Variants in SYT13 observed in about 807,000 individuals in gnomAD.
SYT13 encodes the protein synaptotagmin 13.
Under a neutral mutation model 38.6 loss-of-function variants are expected in SYT13, and 21 were observed. The ratio of observed to expected loss-of-function variants is 0.54; its 90% confidence interval spans 0.39 to 0.78. SYT13 has a LOEUF of 0.78. Ranked by LOEUF, SYT13 falls within the 30% of genes least tolerant of loss-of-function variation. The pLI, the probability that SYT13 is intolerant of heterozygous loss-of-function variation, is 0.00. For missense variants in SYT13, 495 were observed against 548.7 expected (o/e 0.90, Z 0.98); for synonymous variants, 241 against 237.6 (o/e 1.01, Z -0.13).
At chr11:45,260,049 C>CA (rs1854796811) in intron 1 of SYT13, among the ~76,000 whole-genome samples, 1 of 152,188 alleles carries the variant, frequency 6.6e-6, no homozygotes, top group South Asian at 2.1e-4. Context: ...TGATGCATTG[C>CA]CTTTTTCAAG....
chr11:45,273,649 G>A lies in SYT13; in HGVS notation c.183+12376C>T, dbSNP rs548758266. ...AGAATATTAACGACATGAGGTCAGG[G>A]ATGGGTTCTGCCTTGTCACTGCACT... On this transcript the variant is annotated intron_variant, in intron 1 of 5. Transcript: ENST00000020926. Among the ~76,000 whole-genome samples, 10 of 152,358 alleles carry A rather than the reference G, an allele frequency of 6.6e-5. No homozygotes were observed. In the South Asian group the frequency reaches 1.9e-3, roughly 28 times the overall value.
Position 45,277,816 on chromosome 11 carries a change from G to A in SYT13, c.183+8209C>T, listed in dbSNP as rs369619616. On this transcript the variant is annotated intron_variant, in intron 1 of 5. Transcript: ENST00000020926. ...AAGCTCTTCATCTTACACTTACAAAGCAACAGAACCTTCTGTTCAGGTTAC... is the reference window on the plus strand; with the variant it reads ...AAGCTCTTCATCTTACACTTACAAAACAACAGAACCTTCTGTTCAGGTTAC... Among the ~76,000 whole-genome samples the A allele has an allele frequency of 2.0e-4, 30 of 152,284 alleles. No individual in the cohort carries two copies. In the East Asian group the frequency reaches 4.4e-3, roughly 22 times the overall value.
chr11:45,283,193 A>G (rs1380384070), intron 1 of SYT13, among the ~76,000 whole-genome samples: 4 of 152,172 alleles, frequency 2.6e-5, no homozygotes, highest in Non-Finnish European at 5.9e-5. Context: ...TCTTTTCAAA[A>G]TCACTACAAA....
At chr11:45,263,125 GTAA>G (rs1455223196) in intron 1 of SYT13, among the ~76,000 whole-genome samples, 6 of 152,170 alleles carry the variant, frequency 3.9e-5, no homozygotes, top group African/African-American at 1.4e-4. Flanking sequence ...TCTGCCTCCA[GTAA>G]TAATCCAGGC....
intron 1 of SYT13, chr11:45,269,604 C>A: frequency 1.9e-6 from 1 of 519,562 alleles, no homozygotes; most frequent in Non-Finnish European, 3.0e-6. Context: ...CTAATATTAA[C>A]AAATAAAAAA....
chr11:45,250,941 G>A (rs1854666448), intron 4 of SYT13, among the ~76,000 whole-genome samples: 1 of 152,070 alleles, frequency 6.6e-6, no homozygotes, highest in African/African-American at 2.4e-5. Flanking sequence ...GCCATTTCCT[G>A]GCTGTGGGAC....
At chr11:45,264,926 G>A (rs7114339) in intron 1 of SYT13, among the ~76,000 whole-genome samples, 46,729 of 152,108 alleles carry the variant, frequency 0.31, 7,301 homozygotes, top group South Asian at 0.4. Context: ...TGGAAAACTG[G>A]AAGTTTCTTA....
chr11:45,255,624 G>A, intron 2 of SYT13, 42 bp downstream of exon 2: 1 of 1,580,250 alleles, frequency 6.3e-7, no homozygotes, highest in Non-Finnish European at 8.7e-7. Flanking sequence ...AAGCCCCACT[G>A]GAGTGCTGCC....
intron 1 of SYT13, among the ~76,000 whole-genome samples, chr11:45,275,260 T>G (rs1234045494): frequency 6.6e-6 from 1 of 152,210 alleles, no homozygotes; most frequent in Non-Finnish European, 1.5e-5. Flanking sequence ...TGTCTTGGAC[T>G]TAATGAGTGG....
intron 1 of SYT13, among the ~76,000 whole-genome samples, chr11:45,272,449 T>C (rs181410018): frequency 6.9e-4 from 105 of 152,354 alleles, no homozygotes; most frequent in Middle Eastern, 3.4e-3. Flanking sequence ...GTGAATTTCA[T>C]GACTAGTCAG....
chr11:45,283,459 T>A (rs940547229), intron 1 of SYT13, among the ~76,000 whole-genome samples: 2 of 152,354 alleles, frequency 1.3e-5, no homozygotes, highest in South Asian at 4.1e-4. Flanking sequence ...TACATCACCC[T>A]CCTGTCATCT....
rs148673508 is a variant in SYT13 at position 45,246,557 on chromosome 11, C to T, written c.847-45G>A. On this transcript the variant is annotated intron_variant, in intron 4 of 5. Transcript: ENST00000020926. ...GCAGGAGGGGAGTCTCACCTGGGGA[C>T]GCCTTCCAACCCATCAACAAATGCT... 1.5e-4 allele frequency: 233 copies of T among 1,599,324 alleles called. 2 individuals carry two copies. The highest frequency in any genetic ancestry group is 1.2e-4 in the African/African-American group (9 of 74,666).
intron 1 of SYT13, among the ~76,000 whole-genome samples, chr11:45,277,366 A>G (rs1855022859): frequency 6.6e-6 from 1 of 152,236 alleles, no homozygotes; most frequent in South Asian, 2.1e-4. Context: ...TAAAGTGATT[A>G]ATGTCATGTG....
At chr11:45,256,519 C>A (rs1253499562) in intron 1 of SYT13, among the ~76,000 whole-genome samples, 1 of 152,178 alleles carries the variant, frequency 6.6e-6, no homozygotes, top group East Asian at 1.9e-4. Context: ...AAGTCTGAAC[C>A]AAGGAGTCCA....
intron 4 of SYT13, among the ~76,000 whole-genome samples, chr11:45,251,260 G>A (rs1854670285): frequency 6.6e-6 from 1 of 151,582 alleles, no homozygotes; most frequent in African/African-American, 2.4e-5. Context: ...GTGGTGGCGT[G>A]TGGCTGTAAT....
chr11:45,262,842 A>G (rs1298099158), intron 1 of SYT13, among the ~76,000 whole-genome samples: 4 of 152,208 alleles, frequency 2.6e-5, no homozygotes, highest in African/African-American at 7.2e-5. Flanking sequence ...AATAAAAAAA[A>G]AGAGAGAAAA....
chr11:45,255,584 G>A, intron 2 of SYT13, 82 bp downstream of exon 2: 1 of 1,381,828 alleles, frequency 7.2e-7, no homozygotes, highest in Non-Finnish European at 9.9e-7. Context: ...TCCTCATCAG[G>A]CCACACACAG....
Position 45,241,709 on chromosome 11 carries a change from T to G in SYT13, c.*2343A>C, listed in dbSNP as rs141803769. 1 of 152,298 alleles carries G rather than the reference T, an allele frequency of 6.6e-6. No homozygotes were observed. Among genetic ancestry groups the G allele is most frequent in the East Asian group, 1.9e-4 (1 of 5,178 alleles). 9.4% of individuals were successfully genotyped at this position (152,298 alleles called of 1,614,324 possible). ...GGTCTAGAATCCAAATTTTCTAGATTGGAGTAGTAGATGTTACCAAGAAGA... is the reference window on the plus strand; with the variant it reads ...GGTCTAGAATCCAAATTTTCTAGATGGGAGTAGTAGATGTTACCAAGAAGA... On this transcript the variant is annotated 3_prime_UTR_variant, in exon 6 of 6. Coordinates refer to ENST00000020926, the MANE Select transcript of SYT13 (RefSeq NM_020826.3).
At chr11:45,262,822 C>T (rs1854835669) in intron 1 of SYT13, among the ~76,000 whole-genome samples, 1 of 150,836 alleles carries the variant, frequency 6.6e-6, no homozygotes, top group South Asian at 2.1e-4. Flanking sequence ...ATGTTATGTT[C>T]TTTTACCATA....
Sources: allele counts gnomAD v4.1 joint callset (sites outside exome capture counted in the v4.1 genomes callset), GRCh38; gene constraint gnomAD v4.1.1; transcripts MANE v1.5; gene names NCBI Gene and HGNC (gene_info 2026-07-23, HGNC 2026-07-21).